Variants in MAZ observed in about 807,000 individuals in gnomAD.
MAZ encodes the protein myc-associated zinc finger protein.
Under a neutral mutation model 32.7 loss-of-function variants are expected in MAZ, and 4 were observed. The observed-to-expected ratio is 0.12, with a 90% CI of 0.06 to 0.28. The LOEUF is 0.28. Among genes scored for constraint, MAZ ranks in the 10% least tolerant of loss-of-function variants. The pLI, the probability that MAZ is intolerant of heterozygous loss-of-function variation, is 1.00. For missense variants in MAZ, 763 were observed against 667.2 expected, an observed-to-expected ratio of 1.14 and a Z score of -1.58; for synonymous variants, 510 against 297.6, an observed-to-expected ratio of 1.71 and a Z score of -7.35.
intron 4 of MAZ, 43 bp from the exon 5 acceptor site, chr16:29,810,034 C>A (rs749602122): frequency 6.1e-5 from 96 of 1,577,808 alleles, no homozygotes; most frequent in Non-Finnish European, 7.2e-5. Context: ...AAGGCTCTTG[C>A]CATTCAGATC....
chr16:29,809,869 C>T (rs1899814233), intron 4 of MAZ: 4 of 1,005,552 alleles, frequency 4.0e-6, no homozygotes, highest in South Asian at 1.6e-5. Context: ...TGCCCATGTA[C>T]CACTCAGGCT....
intron 4 of MAZ, chr16:29,809,688 G>A (rs1899796219): frequency 6.5e-7 from 1 of 1,533,636 alleles, no homozygotes; most frequent in East Asian, 2.3e-5. Flanking sequence ...CCCATCTGGG[G>A]GGGGCCGCCC....
intron 4 of MAZ, chr16:29,809,164 G>A: frequency 2.0e-6 from 1 of 490,914 alleles, no homozygotes; most frequent in Admixed American, 3.9e-5. Flanking sequence ...GCTGCCTTCA[G>A]TCAGACTCAC....
rs368413691 is a variant in MAZ, at chr16:29,810,864, G to GC, written c.*634dup. 3.5e-5 allele frequency: 12 copies of GC among 341,840 alleles called. No homozygotes were observed. Among genetic ancestry groups the GC allele is most frequent in the African/African-American group, 2.6e-4 (12 of 46,016 alleles). The allele number at this position is 341,840 out of a possible 1,614,324, so 21.2% of individuals were successfully genotyped here. ...CTGTCAGGGGAAAAAGTCAAGGGGA[G>GC]CAGGAGGAAGAGCCAGGAGGGCCAG... On this transcript the variant is annotated 3_prime_UTR_variant, in exon 5 of 5. Transcript: ENST00000322945.
At chr16:29,806,150 T>G (rs1244791584), upstream of MAZ, 10 of 1,192,034 alleles carry the variant, frequency 8.4e-6, no homozygotes, top group Non-Finnish European at 1.1e-5. Context: ...CCGCCATGGA[T>G]CCCAGCAACT....
chr16:29,810,389 G>A lies in MAZ; in HGVS notation c.*158G>A. On this transcript the variant is annotated 3_prime_UTR_variant, in exon 5 of 5. Transcript: ENST00000322945. ...AATGTTTTCTTAGGGGAATTCGCTA[G>A]GTTTTAACGATTTGTTTCTCCTGCT... 7.3e-6 allele frequency: 6 copies of A among 816,648 alleles called. No individual in the cohort carries two copies. Among genetic ancestry groups the A allele is most frequent in the Non-Finnish European group, 1.2e-5 (6 of 488,790 alleles). 50.6% of individuals were successfully genotyped at this position (816,648 alleles called of 1,614,324 possible).
chr16:29,810,058 T>C lies in MAZ; in HGVS notation c.1280-19T>C. On this transcript the variant is annotated intron_variant, in intron 4 of 4. Transcript: ENST00000322945. ...GCCATTCAGATCGCGCTGTGATCCG[T>C]GGTGTTTCTCCTGTGCAGGTACTGG... 1 of 1,595,994 alleles carries C rather than the reference T, an allele frequency of 6.3e-7. No homozygotes were observed. Among genetic ancestry groups the C allele is most frequent in the Non-Finnish European group, 8.5e-7 (1 of 1,169,924 alleles).
intron 4 of MAZ, chr16:29,809,069 C>A: frequency 3.8e-6 from 2 of 530,716 alleles, no homozygotes; most frequent in Non-Finnish European, 6.6e-6. Context: ...TGCGCAGCCA[C>A]AAGGTCTTGT....
Position 29,807,811 on chromosome 16 carries a change from T to C in MAZ, c.1026T>C (p.Cys342=), listed in dbSNP as rs1596871121. 1.2e-6 allele frequency: 2 copies of C among 1,608,056 alleles called. No individual in the cohort carries two copies. The highest frequency in any genetic ancestry group is 1.7e-6 in the Non-Finnish European group (2 of 1,179,454). The change falls in exon 2 of 5, where the codon TGT becomes TGC. Residue 342 remains cysteine (C), a synonymous_variant. Coordinates refer to ENST00000322945, the MANE Select transcript of MAZ (RefSeq NM_002383.4). ...ACAAGCCCTACAACTGCTCCCACTG[T>C]GGCAAGAGCTTCTCCCGGTGTGCAC... is the stretch of plus-strand genomic sequence containing the variant. ...AVHKPYNCSH[C]GKSFSRPDHL...
Position 29,807,250 on chromosome 16 carries a change from TATCGCCGCGGCGGCGGCC to T in MAZ, c.467_484del (p.Ile156_Ala161del). 7.0e-7 allele frequency: 1 copy of T among 1,428,166 alleles called. No homozygotes were observed. Among genetic ancestry groups the T allele is most frequent in the South Asian group, 1.5e-5 (1 of 65,980 alleles). 88.5% of individuals were successfully genotyped at this position (1,428,166 alleles called of 1,614,324 possible). A position where few individuals can be genotyped will look rare whatever the true frequency, so the allele number is the denominator to read the frequency against. On this transcript the variant is annotated inframe_deletion, in exon 2 of 5. Transcript: ENST00000322945. Reference sequence around the variant, plus strand: ...CCGCGCCCCCCGCCTCCGCCGCCACTATCGCCGCGGCGGCGGCCACCGCCGTCGTAGCCCCAACCTCGA... The same window carrying T: ...CCGCGCCCCCCGCCTCCGCCGCCACTACCGCCGTCGTAGCCCCAACCTCGA...
At chr16:29,809,479 C>T in intron 4 of MAZ, 1 of 1,088,130 alleles carries the variant, frequency 9.2e-7, no homozygotes, top group Non-Finnish European at 1.4e-6. Flanking sequence ...AGGAGATCAG[C>T]CCCGTCTCTG....
In MAZ at chr16:29,810,123, A is replaced by C. The variant is rs372208027; in HGVS notation, c.1326A>C (p.Ala442=). 1.9e-6 allele frequency: 3 copies of C among 1,603,646 alleles called. No individual in the cohort carries two copies. In the East Asian group the frequency reaches 6.8e-5, roughly 36 times the overall value. Residue 442 remains alanine, a synonymous_variant, in exon 5 of 5, where the codon GCA becomes GCC. Coordinates refer to ENST00000322945, the MANE Select transcript of MAZ (RefSeq NM_002383.4). Reference sequence around the variant, plus strand: ...TGGCGGCGGCAGCGGCAGCGGCGGCAGCGGCAGCAGCGGCAGCAGTAGCAG... The same window carrying C: ...TGGCGGCGGCAGCGGCAGCGGCGGCCGCGGCAGCAGCGGCAGCAGTAGCAG... ...CPMAAAAAAA[A]AAAAAAVAAP... is the part of the protein sequence containing the mutation.
Position 29,807,292 on chromosome 16 carries a change from G to GACGGTCGCCGTGGCC in MAZ, c.508_522dup (p.Thr170_Ala174dup). 3 of 1,553,470 alleles carry GACGGTCGCCGTGGCC rather than the reference G, an allele frequency of 1.9e-6. No individual in the cohort carries two copies. Among genetic ancestry groups the GACGGTCGCCGTGGCC allele is most frequent in the Non-Finnish European group, 2.6e-6 (3 of 1,153,198 alleles). On this transcript the variant is annotated inframe_insertion, in exon 2 of 5. Coordinates refer to ENST00000322945, the MANE Select transcript of MAZ (RefSeq NM_002383.4). ...CCACCGCCGTCGTAGCCCCAACCTCGACGGTCGCCGTGGCCCCGGTCGCGT... is the reference window on the plus strand; with the variant it reads ...CCACCGCCGTCGTAGCCCCAACCTCGACGGTCGCCGTGGCCACGGTCGCCGTGGCCCCGGTCGCGT...
chr16:29,806,580 C>G lies in MAZ; in HGVS notation c.-122C>G, dbSNP rs1899463407. The G allele has an allele frequency of 1.0e-6, 1 of 960,112 alleles. No homozygotes were observed. Among genetic ancestry groups the G allele is most frequent in the South Asian group, 4.8e-5 (1 of 20,766 alleles). The allele number at this position is 960,112 out of a possible 1,614,324, so 59.5% of individuals were successfully genotyped here. On this transcript the variant is annotated 5_prime_UTR_variant, in exon 1 of 5. Transcript: ENST00000322945. ...GGTGCGCGGGCGGCGGGGCGGCCCG[C>G]GGGCCATGCGTTCGGCGCGGCCCAG... is the stretch of plus-strand genomic sequence containing the variant.
Position 29,810,223 on chromosome 16 carries a change from C to G in MAZ, c.1426C>G (p.Pro476Ala). 1 of 1,591,006 alleles carries G rather than the reference C, an allele frequency of 6.3e-7. No individual in the cohort carries two copies. The highest frequency in any genetic ancestry group is 8.6e-7 in the Non-Finnish European group (1 of 1,168,632). ...GAGCTCTCAGCCACTTCCCTCCCAA[C>G]CCTGGTGAGCTCCAAGTTGGTTGCG... ...PVSSQPLPSQ[P>A]W Residue 476 changes from proline to alanine, a missense_variant, in exon 5 of 5, where the codon CCC becomes GCC. Physicochemically the swap from Pro to Ala is conservative, Grantham distance 27. Coordinates refer to ENST00000322945, the MANE Select transcript of MAZ (RefSeq NM_002383.4).
intron 2 of MAZ, 41 bp from the exon 3 acceptor site, chr16:29,808,189 G>A (rs756994692): frequency 8.3e-6 from 13 of 1,570,330 alleles, no homozygotes; most frequent in East Asian, 6.7e-5. Context: ...GATTTGGGGC[G>A]CACCACCTCC....
chr16:29,808,383 C>G lies in MAZ; in HGVS notation c.1107+90C>G, dbSNP rs948159259. ...TCAGTCTCTCAGACCCCCTTTTTCT[C>G]TCTCTTCTTTTTGCCTTTTTGCTCC... On this transcript the variant is annotated intron_variant, in intron 3 of 4. Transcript: ENST00000322945. The G allele has an allele frequency of 7.4e-6, 10 of 1,359,438 alleles. No individual in the cohort carries two copies. In the East Asian group the frequency reaches 1.9e-4, roughly 25 times the overall value. 84.2% of individuals were successfully genotyped at this position (1,359,438 alleles called of 1,614,324 possible). A position where few individuals can be genotyped will look rare whatever the true frequency, so the allele number is the denominator to read the frequency against.
rs1322913573 is a variant in MAZ, at chr16:29,810,432, G to T, written c.*201G>T. ...CTCCTGCTCCTCTTCTGTCAGACCTGACCCCACACAAACCTGTCCCCTCGG... is the reference window on the plus strand; with the variant it reads ...CTCCTGCTCCTCTTCTGTCAGACCTTACCCCACACAAACCTGTCCCCTCGG... On this transcript the variant is annotated 3_prime_UTR_variant, in exon 5 of 5. Transcript: ENST00000322945. 1.4e-6 allele frequency: 1 copy of T among 727,390 alleles called. No individual in the cohort carries two copies. Among genetic ancestry groups the T allele is most frequent in the South Asian group, 1.5e-5 (1 of 67,952 alleles). 45.1% of individuals were successfully genotyped at this position (727,390 alleles called of 1,614,324 possible).
rs1462159519 is a variant in MAZ, at chr16:29,808,387, CTT to C, written c.1107+95_1107+96del. 4.3e-4 allele frequency: 573 copies of C among 1,319,962 alleles called. 8 individuals carry two copies. In the East Asian group the frequency reaches 0.013, roughly 29 times the overall value. The allele number at this position is 1,319,962 out of a possible 1,614,324, so 81.8% of individuals were successfully genotyped here. ...TCTCTCAGACCCCCTTTTTCTCTCT[CTT>C]CTTTTTGCCTTTTTGCTCCATTTTC... On this transcript the variant is annotated intron_variant, in intron 3 of 4. Transcript: ENST00000322945.
Sources: allele counts gnomAD v4.1 joint callset, GRCh38; gene constraint gnomAD v4.1.1; transcripts MANE v1.5; gene names NCBI Gene and HGNC (gene_info 2026-07-23, HGNC 2026-07-21).